The following NSMCE1 variants were observed in gnomAD, a reference collection of about 807,000 sequenced individuals.
NSMCE1 encodes the protein non-structural maintenance of chromosomes element 1 homolog.
NSMCE1 carries 18 observed loss-of-function variants against 29.6 expected under a neutral mutation model. The observed-to-expected ratio is 0.61, with a 90% CI of 0.42 to 0.90. NSMCE1 has a LOEUF of 0.90. NSMCE1 is among the 40% of genes least tolerant of loss of function. The pLI, the probability that NSMCE1 is intolerant of heterozygous loss-of-function variation, is 0.00. For missense variants in NSMCE1, 314 were observed against 343.6 expected (o/e 0.91, Z 0.68); for synonymous variants, 124 against 133.4 (o/e 0.93, Z 0.49).
chr16:27,259,782 A>C (rs1488875371), intron 1 of NSMCE1, among the ~76,000 whole-genome samples: 3 of 152,196 alleles, frequency 2.0e-5, no homozygotes, highest in Non-Finnish European at 4.4e-5. Flanking sequence ...GATTAAACAC[A>C]ATCAAAGAAA....
intron 2 of NSMCE1, 36 bp downstream of exon 2, chr16:27,257,399 A>C: frequency 6.3e-7 from 1 of 1,579,038 alleles, no homozygotes; most frequent in Non-Finnish European, 8.6e-7. Context: ...TCAACACAGC[A>C]CCAGAGCGCC....
intron 2 of NSMCE1, among the ~76,000 whole-genome samples, chr16:27,239,457 G>A (rs541946849): frequency 2.0e-5 from 3 of 152,288 alleles, no homozygotes; most frequent in East Asian, 1.9e-4. Context: ...TAAAGAGTGC[G>A]GAATAAAGTC....
At chr16:27,244,663 G>T (rs893540839) in intron 2 of NSMCE1, among the ~76,000 whole-genome samples, 5 of 152,222 alleles carry the variant, frequency 3.3e-5, no homozygotes, top group Non-Finnish European at 7.3e-5. Context: ...TCCACAGAAA[G>T]GTTTGAACAG....
At chr16:27,268,113 C>T (rs946922058) in intron 1 of NSMCE1, 4 of 152,162 alleles carry the variant, frequency 2.6e-5, no homozygotes, top group Non-Finnish European at 5.9e-5. Flanking sequence ...CAAGCCGCTG[C>T]TCCAGCCCCC....
At chr16:27,256,852 C>A (rs1189206776) in intron 2 of NSMCE1, among the ~76,000 whole-genome samples, 1 of 152,132 alleles carries the variant, frequency 6.6e-6, no homozygotes, top group Non-Finnish European at 1.5e-5. Context: ...TGCTAAGCTC[C>A]CCCATTTTTT....
intron 1 of NSMCE1, among the ~76,000 whole-genome samples, chr16:27,261,232 G>T (rs1208716123): frequency 6.8e-6 from 1 of 146,550 alleles, no homozygotes; most frequent in African/African-American, 2.5e-5. Flanking sequence ...GGTAAAATGA[G>T]AAAATAATAA....
intron 2 of NSMCE1, among the ~76,000 whole-genome samples, chr16:27,256,809 C>T (rs188035337): frequency 4.3e-4 from 66 of 152,328 alleles, no homozygotes; most frequent in Non-Finnish European, 7.9e-4. Flanking sequence ...TCTTCAGGTC[C>T]GGCCCAGTCT....
intron 1 of NSMCE1, among the ~76,000 whole-genome samples, chr16:27,261,935 G>T (rs2084162191): frequency 6.6e-6 from 1 of 152,164 alleles, no homozygotes; most frequent in Admixed American, 6.5e-5. Flanking sequence ...ATTAATAAAG[G>T]AAAAAGCATT....
chr16:27,234,397 G>A lies in NSMCE1; in HGVS notation c.259-132C>T, dbSNP rs148021449. ...CTCCTGTATCCAGGCACTGCGGGCC[G>A]CAGGGATGGATCTGTAACCAGGCGT... On this transcript the variant is annotated intron_variant, in intron 3 of 7. Coordinates refer to ENST00000361439, the MANE Select transcript of NSMCE1 (RefSeq NM_145080.4). 1,340 of 697,662 alleles carry A rather than the reference G, an allele frequency of 1.9e-3. 9 individuals are homozygous for A. In the African/African-American group the frequency reaches 0.021, roughly 11 times the overall value. 43.2% of individuals were successfully genotyped at this position (697,662 alleles called of 1,614,324 possible).
At chr16:27,240,676 C>T (rs1456993524) in intron 2 of NSMCE1, among the ~76,000 whole-genome samples, 5 of 152,226 alleles carry the variant, frequency 3.3e-5, no homozygotes, top group Non-Finnish European at 5.9e-5. Context: ...AAGCACTGAA[C>T]AAAACAGGAC....
intron 2 of NSMCE1, among the ~76,000 whole-genome samples, chr16:27,245,885 T>A (rs1345104553): frequency 6.6e-6 from 1 of 152,020 alleles, no homozygotes; most frequent in African/African-American, 2.4e-5. Flanking sequence ...AGAAGGAAAA[T>A]GTACTTGGAG....
chr16:27,253,594 C>G (rs1286454889), intron 2 of NSMCE1, among the ~76,000 whole-genome samples: 1 of 152,138 alleles, frequency 6.6e-6, no homozygotes, highest in Admixed American at 6.5e-5. Context: ...CCCAAGCCTT[C>G]TCCACCACCC....
chr16:27,234,745 G>A (rs2140991221), intron 3 of NSMCE1, among the ~76,000 whole-genome samples: 1 of 152,334 alleles, frequency 6.6e-6, no homozygotes. Context: ...CTGACCAGCT[G>A]AGGTGTCTCC....
intron 2 of NSMCE1, among the ~76,000 whole-genome samples, chr16:27,254,330 A>G (rs2084062788): frequency 6.6e-6 from 1 of 152,226 alleles, no homozygotes; most frequent in African/African-American, 2.4e-5. Context: ...GGTGCAAAGA[A>G]ATGGTACACA....
Position 27,233,134 on chromosome 16 carries a change from A to C in NSMCE1, c.350T>G (p.Ile117Ser), listed in dbSNP as rs779362706. ...DLFRKALELI[I>S]DSETGFASST... ...AGACGCAAAGCCGGTTTCTGAGTCA[A>C]TAATCAGTTCCAGCTGGAAGAAAGA... is the stretch of plus-strand genomic sequence containing the variant. Residue 117 changes from isoleucine to serine, a missense_variant, in exon 5 of 8, where the codon ATT becomes AGT. Physicochemically the swap from Ile to Ser is moderately radical, Grantham distance 142 (BLOSUM62 -2). Coordinates refer to ENST00000361439, the MANE Select transcript of NSMCE1 (RefSeq NM_145080.4). The C allele has an allele frequency of 6.2e-7, 1 of 1,613,506 alleles. No individual in the cohort carries two copies.
At chr16:27,256,688 T>C (rs2084090567) in intron 2 of NSMCE1, among the ~76,000 whole-genome samples, 1 of 152,148 alleles carries the variant, frequency 6.6e-6, no homozygotes, top group African/African-American at 2.4e-5. Flanking sequence ...CCATCTCCAG[T>C]TACTTAGAAC....
At chr16:27,265,468 G>A (rs1158631812) in intron 1 of NSMCE1, among the ~76,000 whole-genome samples, 2 of 151,972 alleles carry the variant, frequency 1.3e-5, no homozygotes, top group African/African-American at 4.8e-5. Flanking sequence ...ACTCCAGGCT[G>A]AGTATAAATT....
intron 5 of NSMCE1, among the ~76,000 whole-genome samples, chr16:27,228,057 TTGCAGGCG>T (rs1372736038): frequency 3.9e-5 from 6 of 152,122 alleles, no homozygotes; most frequent in Non-Finnish European, 7.4e-5. Context: ...AGTGCTGGGA[TTGCAGGCG>T]TGAGTCACCG....
At chr16:27,235,059 G>A in intron 3 of NSMCE1, 119 bp downstream of exon 3, 3 of 871,100 alleles carry the variant, frequency 3.4e-6, no homozygotes, top group South Asian at 3.4e-5. Flanking sequence ...TATACATTTG[G>A]AGTGACTTCT....
Sources: allele counts gnomAD v4.1 joint callset (sites outside exome capture counted in the v4.1 genomes callset), GRCh38; gene constraint gnomAD v4.1.1; transcripts MANE v1.5; gene names NCBI Gene and HGNC (gene_info 2026-07-23, HGNC 2026-07-21).